DCUN1D3: variants seen among roughly 807,000 people sequenced by gnomAD.
The protein encoded by DCUN1D3 is defective in cullin neddylation 1 domain containing 3.
In DCUN1D3, 6 loss-of-function variants were observed where a neutral mutation model predicts 24.8. That is an observed-to-expected ratio of 0.24 (90% CI 0.13 to 0.48). DCUN1D3 has a LOEUF of 0.48. Ranked by LOEUF, DCUN1D3 falls within the 20% of genes least tolerant of loss-of-function variation. DCUN1D3 has a pLI of 0.99. For synonymous variants in DCUN1D3, 120 were observed against 144.9 expected (o/e 0.83, Z 1.24); for missense variants, 258 against 379.4 (o/e 0.68, Z 2.66).
intron 1 of DCUN1D3, among the ~76,000 whole-genome samples, chr16:20,892,512 T>C (rs1022247228): frequency 4.6e-5 from 7 of 152,230 alleles, no homozygotes; most frequent in African/African-American, 1.7e-4. Flanking sequence ...AACTATTTAA[T>C]TGAAAGCCAA....
At chr16:20,882,553 C>A (rs958584084) in intron 1 of DCUN1D3, among the ~76,000 whole-genome samples, 1 of 152,208 alleles carries the variant, frequency 6.6e-6, no homozygotes, top group South Asian at 2.1e-4. Context: ...GCGTGAGCCA[C>A]CATGCCCGGC....
chr16:20,865,012 A>T (rs1330915878), intron 1 of DCUN1D3, among the ~76,000 whole-genome samples: 1 of 152,174 alleles, frequency 6.6e-6, no homozygotes, highest in Non-Finnish European at 1.5e-5. Context: ...GGTAGGAGGG[A>T]GAGGAGCAGA....
intron 1 of DCUN1D3, among the ~76,000 whole-genome samples, chr16:20,890,608 G>A (rs957001696): frequency 1.1e-4 from 17 of 152,130 alleles, no homozygotes; most frequent in African/African-American, 4.1e-4. Context: ...TAGCCTGGGC[G>A]ACAGGGCAAG....
intron 1 of DCUN1D3, chr16:20,896,254 A>G (rs1210469060): frequency 6.6e-6 from 1 of 152,198 alleles, no homozygotes; most frequent in Non-Finnish European, 1.5e-5. Flanking sequence ...ACACCAAAAC[A>G]GTAGCAAAAT....
intron 1 of DCUN1D3, among the ~76,000 whole-genome samples, chr16:20,882,828 A>G (rs2081851130): frequency 1.3e-5 from 2 of 152,236 alleles, no homozygotes; most frequent in Non-Finnish European, 2.9e-5. Context: ...TTGGAGGCCA[A>G]CATTTTTTAG....
intron 2 of DCUN1D3, 60 bp downstream of exon 2, chr16:20,862,048 C>A: frequency 6.3e-7 from 1 of 1,576,546 alleles, no homozygotes; most frequent in South Asian, 1.2e-5. Flanking sequence ...GGCACCACTG[C>A]CCAATGCTGT....
In DCUN1D3 at chr16:20,861,584, T is replaced by A. The variant is rs550655503; in HGVS notation, c.431+524A>T. ...GTAAAGGAGTAAAAGAAAAGAAAGG[T>A]CCAAGACAGCAGTGGGGCCGAGCAG... On this transcript the variant is annotated intron_variant, in intron 2 of 2. Coordinates refer to ENST00000324344, the MANE Select transcript of DCUN1D3 (RefSeq NM_173475.4). Among the ~76,000 whole-genome samples the A allele has an allele frequency of 2.6e-5, 4 of 151,968 alleles. No individual in the cohort carries two copies. In the East Asian group the frequency reaches 7.7e-4, roughly 29 times the overall value.
intron 1 of DCUN1D3, among the ~76,000 whole-genome samples, chr16:20,890,762 A>G (rs2081888687): frequency 6.6e-6 from 1 of 152,144 alleles, no homozygotes; most frequent in Non-Finnish European, 1.5e-5. Flanking sequence ...TAAGAGGTCC[A>G]CACTAAAACT....
intron 1 of DCUN1D3, among the ~76,000 whole-genome samples, chr16:20,870,514 G>GT (rs2081783149): frequency 6.6e-6 from 1 of 152,190 alleles, no homozygotes; most frequent in South Asian, 2.1e-4. Flanking sequence ...AGGAATGCAT[G>GT]TTGGCTACTA....
At chr16:20,877,317 T>C (rs1357380971) in intron 1 of DCUN1D3, among the ~76,000 whole-genome samples, 1 of 152,136 alleles carries the variant, frequency 6.6e-6, no homozygotes, top group East Asian at 1.9e-4. Flanking sequence ...TGGGTCTCAG[T>C]TCACGTGCTG....
rs2081698733 is a variant in DCUN1D3, at chr16:20,855,622, A to C, written c.*4264T>G. On this transcript the variant is annotated 3_prime_UTR_variant, in exon 3 of 3. Coordinates refer to ENST00000324344, the MANE Select transcript of DCUN1D3 (RefSeq NM_173475.4). ...ATTTTGGCTTCTGCAACCAGTGCTC[A>C]AGAATCTATTTCATCTTTCGAAAAG... 1 of 152,248 alleles carries C rather than the reference A, an allele frequency of 6.6e-6. No individual in the cohort carries two copies. The highest frequency in any genetic ancestry group is 2.1e-4 in the South Asian group (1 of 4,828). The allele number at this position is 152,248 out of a possible 1,614,324, so 9.4% of individuals were successfully genotyped here. A position where few individuals can be genotyped will look rare whatever the true frequency, so the allele number is the denominator to read the frequency against.
intron 1 of DCUN1D3, among the ~76,000 whole-genome samples, chr16:20,887,581 T>G (rs1010718990): frequency 6.6e-6 from 1 of 152,182 alleles, no homozygotes; most frequent in African/African-American, 2.4e-5. Flanking sequence ...ACTAAGGACT[T>G]AATCCAATGG....
intron 1 of DCUN1D3, among the ~76,000 whole-genome samples, chr16:20,878,910 C>A (rs1336146321): frequency 6.6e-6 from 1 of 152,142 alleles, no homozygotes; most frequent in African/African-American, 2.4e-5. Flanking sequence ...ACGGGGCCCC[C>A]AAAGCCAGAG....
chr16:20,872,853 C>T (rs565669751), intron 1 of DCUN1D3, among the ~76,000 whole-genome samples: 1 of 152,356 alleles, frequency 6.6e-6, no homozygotes, highest in South Asian at 2.1e-4. Context: ...CGCAGTGGCT[C>T]ACGCCTGCAA....
intron 1 of DCUN1D3, among the ~76,000 whole-genome samples, chr16:20,865,475 C>A (rs1411931658): frequency 6.6e-6 from 1 of 152,180 alleles, no homozygotes; most frequent in East Asian, 1.9e-4. Context: ...CTACCTTCAA[C>A]TGGTTTGTTG....
intron 1 of DCUN1D3, among the ~76,000 whole-genome samples, chr16:20,884,168 T>C (rs1027053133): frequency 6.6e-6 from 1 of 152,212 alleles, no homozygotes; most frequent in Admixed American, 6.5e-5. Flanking sequence ...CGAATGCTCA[T>C]ACTTCTTATG....
At chr16:20,876,011 G>C (rs557036568) in intron 1 of DCUN1D3, among the ~76,000 whole-genome samples, 2 of 152,008 alleles carry the variant, frequency 1.3e-5, no homozygotes, top group Admixed American at 1.3e-4. Flanking sequence ...TGTCACCCAC[G>C]CTGGAGTGCA....
intron 1 of DCUN1D3, among the ~76,000 whole-genome samples, chr16:20,894,182 T>C (rs942178009): frequency 2.0e-5 from 3 of 152,030 alleles, no homozygotes; most frequent in Admixed American, 6.5e-5. Context: ...GACAGGAGGA[T>C]CGCTTGAGCC....
At chr16:20,879,020 G>A (rs2081829730) in intron 1 of DCUN1D3, among the ~76,000 whole-genome samples, 1 of 152,108 alleles carries the variant, frequency 6.6e-6, no homozygotes, top group African/African-American at 2.4e-5. Flanking sequence ...TACTCTGCCC[G>A]CCCCCAGGCC....
Sources: allele counts gnomAD v4.1 joint callset (sites outside exome capture counted in the v4.1 genomes callset), GRCh38; gene constraint gnomAD v4.1.1; transcripts MANE v1.5; gene names NCBI Gene and HGNC (gene_info 2026-07-23, HGNC 2026-07-21).